ENPP1: variants seen among roughly 807,000 people sequenced by gnomAD.
ENPP1 encodes the protein ectonucleotide pyrophosphatase/phosphodiesterase family member 1.
Under a neutral mutation model 122.8 loss-of-function variants are expected in ENPP1, and 73 were observed. The ratio of observed to expected loss-of-function variants is 0.59; its 90% CI spans 0.49 to 0.72. The LOEUF (loss-of-function observed/expected upper bound fraction) is 0.72. Among genes scored for constraint, ENPP1 ranks in the 30% least tolerant of loss-of-function variants. The probability of loss-of-function intolerance (pLI) is 0.00; values close to 1 mark genes in which losing one functional copy is unlikely to be tolerated. For missense variants in ENPP1, 978 were observed against 1,128.1 expected, an observed-to-expected ratio of 0.87 and a Z score of 1.91; for synonymous variants, 367 against 391.6, an observed-to-expected ratio of 0.94 and a Z score of 0.74.
chr6:131,825,687 CAAATT>C (rs1260202258), intron 1 of ENPP1, among the ~76,000 whole-genome samples: 1 of 151,984 alleles, frequency 6.6e-6, no homozygotes, highest in Admixed American at 6.6e-5. Context: ...TACTAGAAGA[CAAATT>C]AAAAGAGTTA....
At chr6:131,860,828 A>G (rs920882310) in intron 8 of ENPP1, among the ~76,000 whole-genome samples, 2 of 152,136 alleles carry the variant, frequency 1.3e-5, no homozygotes, top group African/African-American at 4.8e-5. Context: ...TTGTTTTTGA[A>G]CGTCTTGGTT....
chr6:131,886,773 T>G, intron 24 of ENPP1, 49 bp downstream of exon 24: 1 of 1,524,732 alleles, frequency 6.6e-7, no homozygotes, highest in Non-Finnish European at 9.1e-7. Context: ...TCTAGACATA[T>G]GCATATTTGT....
At chr6:131,889,337 T>C (rs1409424371) in intron 24 of ENPP1, among the ~76,000 whole-genome samples, 1 of 152,106 alleles carries the variant, frequency 6.6e-6, no homozygotes, top group Non-Finnish European at 1.5e-5. Flanking sequence ...ACCCAGGTAT[T>C]AAGCCCAGCA....
At chr6:131,847,889 G>GTA in intron 2 of ENPP1, 41 bp downstream of exon 2, 1 of 1,352,516 alleles carries the variant, frequency 7.4e-7, no homozygotes, top group Non-Finnish European at 1.0e-6. Context: ...GTGTGTGTGT[G>GTA]TGTGTATGTG....
intron 13 of ENPP1, among the ~76,000 whole-genome samples, chr6:131,869,848 T>C (rs1337848547): frequency 7.8e-6 from 1 of 127,568 alleles, no homozygotes; most frequent in Non-Finnish European, 1.5e-5. Context: ...TGAGTGAGAC[T>C]TGGTCTAAAA....
At position 131,872,088 on chromosome 6, in the gene ENPP1, C is replaced by A; in HGVS notation, c.1424C>A (p.Ala475Asp). Residue 475 changes from alanine (A) to aspartate (D), a missense_variant, in exon 14 of 25, where the codon GCC becomes GAC. Transcript: ENST00000647893. The part of the protein sequence containing the change: ...KYYSFNYEGI[A>D]RNLSCREPNQ... ...CCTCCAGTTAACTATGAAGGCATTG[C>A]CCGAAATCTTTCTGTGAGTATCTTT... 6.3e-7 allele frequency: 1 copy of A among 1,589,828 alleles called. No homozygotes were observed.
chr6:131,864,369 T>C (rs1418318534), intron 9 of ENPP1, 137 bp from the exon 10 acceptor site: 1 of 657,052 alleles, frequency 1.5e-6, no homozygotes, highest in East Asian at 2.7e-5. Flanking sequence ...AGTTTTCAAA[T>C]AAAACCCTTG....
chr6:131,875,585 C>T (rs1337018864), intron 16 of ENPP1, among the ~76,000 whole-genome samples, 191 bp from the exon 17 acceptor site: 1 of 152,130 alleles, frequency 6.6e-6, no homozygotes, highest in African/African-American at 2.4e-5. Context: ...AGAGACCTAT[C>T]CTAGATGTCC....
At chr6:131,890,290 G>T (rs757713031) in intron 24 of ENPP1, 51 bp from the exon 25 acceptor site, 7 of 1,454,394 alleles carry the variant, frequency 4.8e-6, no homozygotes, top group Admixed American at 1.7e-5. Flanking sequence ...TTATAGAAGT[G>T]AACTGAGTGT....
intron 3 of ENPP1, 147 bp from the exon 4 acceptor site, chr6:131,850,995 G>A (rs1212097574): frequency 3.6e-6 from 3 of 835,254 alleles, no homozygotes; most frequent in East Asian, 5.0e-5. Flanking sequence ...AGTGGCCATG[G>A]TAGTGGCAGA....
chr6:131,875,720 G>C (rs545385429), intron 16 of ENPP1, 56 bp from the exon 17 acceptor site: 1 of 1,416,598 alleles, frequency 7.1e-7, no homozygotes, highest in African/African-American at 1.4e-5. Context: ...GAATTTTTGG[G>C]ACCAACTTGT....
In ENPP1 at chr6:131,869,489, T is replaced by C. The variant is rs144560255; in HGVS notation, c.1405T>C (p.Phe469Leu). Residue 469 changes from phenylalanine to leucine, a missense_variant and splice_region_variant, in exon 13 of 25, where the codon TTT (phenylalanine) becomes CTT (leucine). Phe to Leu is a conservative substitution (Grantham distance 22). Transcript: ENST00000647893. ...TGATGTCCCAGATAAATACTATTCATGTAAGTATATCTCTGTGATAACTTT... is the reference window on the plus strand; with the variant it reads ...TGATGTCCCAGATAAATACTATTCACGTAAGTATATCTCTGTGATAACTTT... ...PSDVPDKYYS[F>L]NYEGIARNLS... is the part of the protein sequence containing the mutation. 174 of 1,613,148 alleles carry C rather than the reference T, an allele frequency of 1.1e-4. No individual in the cohort carries two copies. The highest frequency in any genetic ancestry group is 1.4e-4 in the Non-Finnish European group (164 of 1,179,206).
Position 131,883,485 on chromosome 6 carries a change from C to G in ENPP1, c.2231-209C>G, listed in dbSNP as rs9493117. On this transcript the variant is annotated intron_variant, in intron 21 of 24. Coordinates refer to ENST00000647893, the MANE Select transcript of ENPP1 (RefSeq NM_006208.3). ...AAAGTTTATGTTTCGTTGACATGCT[C>G]ATCTTGAAAAGACTTCTTAAATATT... 0.041 allele frequency among the ~76,000 whole-genome samples: 6,319 copies of G among 152,266 alleles called. 182 individuals carry two copies. The highest frequency in any genetic ancestry group is 0.079 in the African/African-American group (3,263 of 41,546).
intron 24 of ENPP1, 67 bp downstream of exon 24, chr6:131,886,791 A>T: frequency 7.3e-7 from 1 of 1,365,922 alleles, no homozygotes; most frequent in Non-Finnish European, 1.0e-6. Flanking sequence ...TGTTTATGTC[A>T]CCCATCTGAC....
At chr6:131,877,236 T>A in intron 18 of ENPP1, 75 bp downstream of exon 18, 1 of 1,399,272 alleles carries the variant, frequency 7.1e-7, no homozygotes, top group Non-Finnish European at 1.0e-6. Flanking sequence ...GCTGTAAAAA[T>A]ACTTAATAAT....
At position 131,886,733 on chromosome 6, in the gene ENPP1, C is replaced by T; in HGVS notation, c.2607+9C>T. 1 of 1,609,440 alleles carries T rather than the reference C, an allele frequency of 6.2e-7. No homozygotes were observed. The highest frequency in any genetic ancestry group is 1.1e-5 in the South Asian group (1 of 89,850). On this transcript the variant is annotated intron_variant, in intron 24 of 24. Coordinates refer to ENST00000647893, the MANE Select transcript of ENPP1 (RefSeq NM_006208.3). ...ACAGCGAGAGCTGTGTGGTAAGTAG[C>T]TTTTGTATATTTACTTTGCATGTTG...
intron 6 of ENPP1, among the ~76,000 whole-genome samples, chr6:131,858,080 T>C (rs997447225): frequency 2.0e-5 from 3 of 152,116 alleles, no homozygotes; most frequent in African/African-American, 2.4e-5. Flanking sequence ...GAATCATTAG[T>C]TATGTGTTCC....
chr6:131,819,939 CT>C (rs35498599), intron 1 of ENPP1: 23,400 of 431,292 alleles, frequency 0.054, 18 homozygotes, highest in South Asian at 0.067. Context: ...TCCATAGCTT[CT>C]TTTTTTTTTT....
chr6:131,813,332 C>T (rs1422861614), intron 1 of ENPP1, among the ~76,000 whole-genome samples: 1 of 151,342 alleles, frequency 6.6e-6, no homozygotes, highest in Admixed American at 6.6e-5. Flanking sequence ...TGGTGAAACC[C>T]CTTCAAAAAA....
Sources: gnomAD v4.1 joint callset for allele counts (sites outside exome capture counted in the v4.1 genomes callset) on GRCh38, gnomAD v4.1.1 for gene constraint, MANE v1.5 for transcripts, NCBI Gene and HGNC (gene_info 2026-07-23, HGNC 2026-07-21) for gene names.